The following AHI1 variants were observed in gnomAD, a reference collection of about 807,000 sequenced individuals.
AHI1 encodes the protein jouberin.
AHI1 carries 123 observed loss-of-function variants against 149.3 expected under a neutral mutation model. The observed-to-expected ratio is 0.82, with a 90% CI of 0.71 to 0.96. AHI1 has a LOEUF of 0.96. Among genes scored for constraint, AHI1 ranks in the 40% least tolerant of loss-of-function variants. AHI1 has a pLI of 0.00. For synonymous variants in AHI1, 475 were observed against 459.8 expected (o/e 1.03, Z -0.42); for missense variants, 1,439 against 1,422.7 (o/e 1.01, Z -0.18).
intron 13 of AHI1, 132 bp downstream of exon 13, chr6:135,446,876 G>T: frequency 1.1e-6 from 1 of 948,760 alleles, no homozygotes; most frequent in Non-Finnish European, 1.5e-6. Flanking sequence ...TAATGGAAAG[G>T]CAAAATTGTG....
chr6:135,428,658 C>G lies in AHI1; in HGVS notation c.2594G>C (p.Gly865Ala). 2 of 1,608,634 alleles carry G rather than the reference C, an allele frequency of 1.2e-6. No individual in the cohort carries two copies. The highest frequency in any genetic ancestry group is 1.7e-6 in the Non-Finnish European group (2 of 1,176,814). Reference protein sequence around the residue: ...GTFLFAGSEDGIVYVWNPETG... With the variant: ...GTFLFAGSEDAIVYVWNPETG... Reference sequence around the variant, plus strand: ...TTCTGGGTTCCAAACATACACTATACCATCCTCACTTCCAGCAAACAGAAA... The same window carrying G: ...TTCTGGGTTCCAAACATACACTATAGCATCCTCACTTCCAGCAAACAGAAA... The change falls in exon 19 of 29, where the codon GGT (glycine) becomes GCT (alanine). Residue 865 changes from glycine to alanine, a missense_variant. By Grantham distance (60) the Gly-to-Ala change is moderately conservative. Coordinates refer to ENST00000265602, the MANE Select transcript of AHI1 (RefSeq NM_001134831.2).
Position 135,457,623 on chromosome 6 carries a change from T to A in AHI1, c.1022A>T (p.Asp341Val). 6.2e-7 allele frequency: 1 copy of A among 1,613,954 alleles called. No homozygotes were observed. Among genetic ancestry groups the A allele is most frequent in the Non-Finnish European group, 8.5e-7 (1 of 1,179,866 alleles). The part of the protein sequence containing the change: ...SPVYPKCLLD[D>V]DLVLGVYIHR... Reference sequence around the variant, plus strand: ...AATGTAAACTCCCAAGACAAGGTCATCATCAAGCAAACATTTGGGATAAAC... The same window carrying A: ...AATGTAAACTCCCAAGACAAGGTCAACATCAAGCAAACATTTGGGATAAAC... Residue 341 changes from aspartate (D) to valine (V), a missense_variant, in exon 9 of 29, where the codon GAT becomes GTT. Coordinates refer to ENST00000265602, the MANE Select transcript of AHI1 (RefSeq NM_001134831.2).
At chr6:135,396,469 A>G (rs1387975588) in intron 22 of AHI1, among the ~76,000 whole-genome samples, 1 of 151,872 alleles carries the variant, frequency 6.6e-6, no homozygotes, top group Non-Finnish European at 1.5e-5. Context: ...TGAACATTAA[A>G]TAAGAAATAG....
chr6:135,449,996 G>GGA (rs1787855117), intron 11 of AHI1, among the ~76,000 whole-genome samples: 1 of 152,278 alleles, frequency 6.6e-6, no homozygotes, highest in Admixed American at 6.5e-5. Context: ...TACTCAGTTT[G>GGA]GAGGAATCTG....
chr6:135,300,968 T>C (rs1783804039), intron 26 of AHI1: 8 of 985,966 alleles, frequency 8.1e-6, no homozygotes, highest in Non-Finnish European at 9.6e-6. Context: ...GTAATACACA[T>C]TGATCTGTAT....
chr6:135,360,707 C>T (rs564526260), intron 23 of AHI1, among the ~76,000 whole-genome samples: 40 of 152,208 alleles, frequency 2.6e-4, no homozygotes, highest in African/African-American at 9.1e-4. Flanking sequence ...GTTCATTCAA[C>T]ATAATTGTGT....
chr6:135,369,078 A>G (rs561422298), intron 23 of AHI1, among the ~76,000 whole-genome samples: 1 of 152,338 alleles, frequency 6.6e-6, no homozygotes, highest in African/African-American at 2.4e-5. Flanking sequence ...CTGAGGACCA[A>G]GAGTGCCCAC....
chr6:135,304,213 T>A (rs899858080), intron 26 of AHI1, among the ~76,000 whole-genome samples: 1 of 152,000 alleles, frequency 6.6e-6, no homozygotes, highest in Non-Finnish European at 1.5e-5. Context: ...TGCCATCATG[T>A]CTAATTTTTT....
chr6:135,424,995 A>T (rs966359780), intron 20 of AHI1, among the ~76,000 whole-genome samples: 1 of 151,962 alleles, frequency 6.6e-6, no homozygotes, highest in African/African-American at 2.4e-5. Flanking sequence ...GTTGGTAATA[A>T]ATATTATACT....
intron 5 of AHI1, among the ~76,000 whole-genome samples, chr6:135,480,467 A>G (rs1444657898): frequency 2.0e-5 from 3 of 152,072 alleles, no homozygotes; most frequent in African/African-American, 7.2e-5. Context: ...TAAAAAAAAA[A>G]AAGAAGAAAG....
intron 22 of AHI1, among the ~76,000 whole-genome samples, chr6:135,396,318 G>A (rs111253185): frequency 0.014 from 2,150 of 151,740 alleles, 56 homozygotes; most frequent in African/African-American, 0.048. Flanking sequence ...AAACTCATTT[G>A]ATATCTTTGA....
At chr6:135,477,521 A>C (rs964087484) in intron 5 of AHI1, among the ~76,000 whole-genome samples, 6 of 152,122 alleles carry the variant, frequency 3.9e-5, no homozygotes, top group African/African-American at 1.4e-4. Flanking sequence ...TCTCATGTTG[A>C]ATTGTAATTT....
At position 135,466,393 on chromosome 6, in the gene AHI1, T is replaced by C. The variant is rs1790772750; in HGVS notation, c.190-20A>G. On this transcript the variant is annotated intron_variant, in intron 6 of 28. Coordinates refer to ENST00000265602, the MANE Select transcript of AHI1 (RefSeq NM_001134831.2). Reference sequence around the variant, plus strand: ...GTCGGGCTAGGAAAAGAAGACATGATAACAAAGTTTCAGTTACACATAGAT... The same window carrying C: ...GTCGGGCTAGGAAAAGAAGACATGACAACAAAGTTTCAGTTACACATAGAT... The C allele has an allele frequency of 1.9e-6, 3 of 1,599,016 alleles. No individual in the cohort carries two copies. Among genetic ancestry groups the C allele is most frequent in the Non-Finnish European group, 2.6e-6 (3 of 1,169,758 alleles).
At position 135,323,330 on chromosome 6, in the gene AHI1, A is replaced by G. The variant is rs1220128145; in HGVS notation, c.3166-6T>C. ...TAGTCATAAAGAGCCACTACCTAAG[A>G]GAGAGATAAGACCACCACAGCTTTA... On this transcript the variant is annotated splice_polypyrimidine_tract_variant and splice_region_variant and intron_variant, in intron 24 of 28. Coordinates refer to ENST00000265602, the MANE Select transcript of AHI1 (RefSeq NM_001134831.2). The G allele has an allele frequency of 1.2e-6, 2 of 1,612,640 alleles. No homozygotes were observed. The highest frequency in any genetic ancestry group is 1.7e-6 in the Non-Finnish European group (2 of 1,179,288).
chr6:135,331,665 A>T (rs1331701236), intron 24 of AHI1, among the ~76,000 whole-genome samples: 1 of 152,220 alleles, frequency 6.6e-6, no homozygotes, highest in Non-Finnish European at 1.5e-5. Flanking sequence ...AATGCAATCC[A>T]ATAATTGATG....
intron 5 of AHI1, among the ~76,000 whole-genome samples, chr6:135,484,882 A>G (rs1447577640): frequency 6.6e-6 from 1 of 152,158 alleles, no homozygotes; most frequent in African/African-American, 2.4e-5. Flanking sequence ...TAAGAACAGA[A>G]TATCTTTCCA....
intron 14 of AHI1, among the ~76,000 whole-genome samples, chr6:135,439,179 T>TC (rs1785881693): frequency 6.6e-6 from 1 of 152,236 alleles, no homozygotes. Flanking sequence ...ATGTGCAGTT[T>TC]CACCTTCTGT....
chr6:135,289,414 GA>G (rs1326641908), intron 28 of AHI1, among the ~76,000 whole-genome samples: 3 of 151,990 alleles, frequency 2.0e-5, no homozygotes, highest in Non-Finnish European at 4.4e-5. Flanking sequence ...AGAATCACTT[GA>G]ACCCGGGAGG....
chr6:135,451,573 G>C (rs960148205), intron 11 of AHI1, among the ~76,000 whole-genome samples: 2 of 152,088 alleles, frequency 1.3e-5, no homozygotes, highest in Non-Finnish European at 2.9e-5. Flanking sequence ...GTTAGAAGAC[G>C]TGAAGCACAT....
Sources: gnomAD v4.1 joint callset for allele counts (sites outside exome capture counted in the v4.1 genomes callset) on GRCh38, gnomAD v4.1.1 for gene constraint, MANE v1.5 for transcripts, NCBI Gene and HGNC (gene_info 2026-07-23, HGNC 2026-07-21) for gene names.